Variants in TTC28 observed in about 807,000 individuals in gnomAD.
The protein encoded by TTC28 is tetratricopeptide repeat protein 28.
TTC28 carries 61 observed loss-of-function variants against 198.0 expected under a neutral mutation model. The ratio of observed to expected loss-of-function variants is 0.31; its 90% CI spans 0.25 to 0.38. The LOEUF (loss-of-function observed/expected upper bound fraction) is 0.38. TTC28 is among the 10% of genes least tolerant of loss of function. TTC28 has a pLI of 1.00. For synonymous variants in TTC28, 1,171 were observed against 1,297.8 expected, an observed-to-expected ratio of 0.90 and a Z score of 2.10; for missense variants, 2,678 against 3,164.0, an observed-to-expected ratio of 0.85 and a Z score of 3.69.
intron 12 of TTC28, among the ~76,000 whole-genome samples, chr22:28,052,170 T>A (rs1940113731): frequency 6.6e-6 from 1 of 152,202 alleles, no homozygotes; most frequent in Non-Finnish European, 1.5e-5. Flanking sequence ...CTTTAACAAG[T>A]ATAAAGTACC....
chr22:28,215,817 A>G (rs1927347690), intron 5 of TTC28, among the ~76,000 whole-genome samples: 1 of 152,188 alleles, frequency 6.6e-6, no homozygotes, highest in African/African-American at 2.4e-5. Context: ...TTTTTAAATC[A>G]TTAGGAATGG....
chr22:28,262,133 G>C (rs1172263351), intron 5 of TTC28, among the ~76,000 whole-genome samples: 2 of 152,056 alleles, frequency 1.3e-5, no homozygotes, highest in Non-Finnish European at 1.5e-5. Flanking sequence ...AAGGAGAAGG[G>C]AATCAGGAAT....
At chr22:28,405,519 G>A (rs2046986345) in intron 2 of TTC28, among the ~76,000 whole-genome samples, 1 of 152,182 alleles carries the variant, frequency 6.6e-6, no homozygotes, top group African/African-American at 2.4e-5. Context: ...GAAGTACAGA[G>A]GAAGAAGAGA....
Position 27,983,114 on chromosome 22 carries a change from C to T in TTC28, c.6553G>A (p.Gly2185Ser), listed in dbSNP as rs553471572. 26 of 1,551,758 alleles carry T rather than the reference C, an allele frequency of 1.7e-5. No individual in the cohort carries two copies. The highest frequency in any genetic ancestry group is 5.9e-5 in the Admixed American group (3 of 51,008). The change falls in exon 23 of 23, where the codon GGC becomes AGC. Residue 2185 changes from glycine to serine, a missense_variant. By Grantham distance (56) the Gly-to-Ser change is moderately conservative. This residue lies in a region of TTC28 where 622 missense variants were observed against 656.0 expected (regional missense o/e 0.95). Transcript: ENST00000397906. ...GGGTTATTACTCTTGCTCACCTGGC[C>T]GCCGCTCCTCTGAAGACGCTCCACC... Reference protein sequence around the residue: ...IAVERLQRSGGQVSKSNNPED... With the variant: ...IAVERLQRSGSQVSKSNNPED...
intron 12 of TTC28, among the ~76,000 whole-genome samples, chr22:28,038,943 A>G (rs978853418): frequency 6.6e-6 from 1 of 152,248 alleles, no homozygotes; most frequent in African/African-American, 2.4e-5. Flanking sequence ...TGGCCATCAG[A>G]GAAATGCAAA....
At chr22:28,016,185 A>G (rs557856813) in intron 13 of TTC28, among the ~76,000 whole-genome samples, 1 of 151,994 alleles carries the variant, frequency 6.6e-6, no homozygotes, top group East Asian at 1.9e-4. Flanking sequence ...GGCCTCACTC[A>G]CTCTGGAAAC....
intron 17 of TTC28, 66 bp downstream of exon 17, chr22:27,996,069 C>G: frequency 1.3e-5 from 20 of 1,506,884 alleles, no homozygotes; most frequent in Non-Finnish European, 1.8e-5. Context: ...TAGGGAAACC[C>G]TTGCCTTCCC....
intron 12 of TTC28, among the ~76,000 whole-genome samples, chr22:28,075,875 C>T (rs574971504): frequency 8.5e-5 from 13 of 152,304 alleles, no homozygotes; most frequent in Middle Eastern, 3.4e-3. Flanking sequence ...GCACTTCTCA[C>T]GTGGTAGATT....
chr22:28,030,555 C>T (rs1179955704), intron 12 of TTC28, among the ~76,000 whole-genome samples, 189 bp from the exon 13 acceptor site: 1 of 152,208 alleles, frequency 6.6e-6, no homozygotes, highest in Non-Finnish European at 1.5e-5. Context: ...TTGTCCACTG[C>T]TTCTCAAGAT....
At chr22:28,406,452 T>G (rs1316775782) in intron 2 of TTC28, among the ~76,000 whole-genome samples, 1 of 152,176 alleles carries the variant, frequency 6.6e-6, no homozygotes. Context: ...AATCTATGCT[T>G]GAGACAGATG....
intron 6 of TTC28, among the ~76,000 whole-genome samples, chr22:28,161,412 C>T (rs929181171): frequency 2.0e-5 from 3 of 152,030 alleles, no homozygotes; most frequent in Non-Finnish European, 4.4e-5. Flanking sequence ...TGGCTGATGC[C>T]CACCATGGGC....
chr22:28,057,713 G>A (rs1940345033), intron 12 of TTC28, among the ~76,000 whole-genome samples: 1 of 151,986 alleles, frequency 6.6e-6, no homozygotes, highest in Non-Finnish European at 1.5e-5. Context: ...TCATATAACA[G>A]TTTTATAGTT....
At chr22:28,674,282 T>G (rs1340323610) in intron 1 of TTC28, among the ~76,000 whole-genome samples, 1 of 150,902 alleles carries the variant, frequency 6.6e-6, no homozygotes, top group Non-Finnish European at 1.5e-5. Flanking sequence ...TTTTTTTTTT[T>G]TTTGGTCTGT....
chr22:28,120,030 T>C (rs531704714), intron 6 of TTC28, among the ~76,000 whole-genome samples: 4 of 152,330 alleles, frequency 2.6e-5, no homozygotes, highest in Admixed American at 2.0e-4. Context: ...GGCTTCCTCC[T>C]AATTTCACAA....
chr22:28,432,179 G>A (rs1177906787), intron 2 of TTC28, among the ~76,000 whole-genome samples: 5 of 151,634 alleles, frequency 3.3e-5, no homozygotes, highest in African/African-American at 9.7e-5. Context: ...CCAGCTACTC[G>A]GGAGGCTGAG....
intron 5 of TTC28, among the ~76,000 whole-genome samples, chr22:28,257,284 A>G (rs1930996194): frequency 1.3e-5 from 2 of 152,206 alleles, no homozygotes; most frequent in East Asian, 1.9e-4. Context: ...CGACATATCA[A>G]AGAGATACCT....
chr22:28,516,219 T>G (rs1055389862), intron 2 of TTC28, among the ~76,000 whole-genome samples: 2 of 152,184 alleles, frequency 1.3e-5, no homozygotes, highest in African/African-American at 4.8e-5. Flanking sequence ...TTTTAACATT[T>G]TTAAATAGTA....
intron 12 of TTC28, among the ~76,000 whole-genome samples, chr22:28,036,708 TA>T (rs752033171): frequency 2.6e-5 from 4 of 151,958 alleles, no homozygotes; most frequent in African/African-American, 9.7e-5. Context: ...AAAAACCCTT[TA>T]AAAAATCAAG....
At chr22:28,491,912 A>G (rs2048385373) in intron 2 of TTC28, among the ~76,000 whole-genome samples, 1 of 152,206 alleles carries the variant, frequency 6.6e-6, no homozygotes, top group Non-Finnish European at 1.5e-5. Flanking sequence ...CATATACACC[A>G]CGGAATATTA....
Sources: gnomAD v4.1 joint callset for allele counts (sites outside exome capture counted in the v4.1 genomes callset) on GRCh38, gnomAD v4.1.1 for gene constraint, gnomAD v4.1.1 regional missense constraint, MANE v1.5 for transcripts, NCBI Gene and HGNC (gene_info 2026-07-23, HGNC 2026-07-21) for gene names.